The following GGNBP2 variants were observed in gnomAD, a reference collection of about 807,000 sequenced individuals.
The protein encoded by GGNBP2 is gametogenetin-binding protein 2.
In GGNBP2, 10 loss-of-function variants were observed where a neutral mutation model predicts 85.9. That is an observed-to-expected ratio of 0.12 (90% CI 0.07 to 0.20). The LOEUF (loss-of-function observed/expected upper bound fraction) is 0.20, where lower values mean the gene tolerates loss of function less well. GGNBP2 is among the 10% of genes least tolerant of loss of function. The pLI is 1.00. For missense variants in GGNBP2, 595 were observed against 857.8 expected (o/e 0.69, Z 3.83); for synonymous variants, 287 against 285.7 (o/e 1.00, Z -0.05).
intron 5 of GGNBP2, among the ~76,000 whole-genome samples, chr17:36,563,580 C>G (rs1053811724): frequency 2.0e-5 from 3 of 146,488 alleles, no homozygotes; most frequent in African/African-American, 5.2e-5. Flanking sequence ...TAGATTTTAC[C>G]TGTTTCTGGT....
At chr17:36,553,212 C>T (rs1341754443) in intron 2 of GGNBP2, among the ~76,000 whole-genome samples, 1 of 152,144 alleles carries the variant, frequency 6.6e-6, no homozygotes, top group African/African-American at 2.4e-5. Context: ...GAGATAGCCA[C>T]ATCTAATATG....
intron 4 of GGNBP2, 69 bp from the exon 5 acceptor site, chr17:36,560,704 A>G (rs376706910): frequency 3.4e-6 from 3 of 892,226 alleles, no homozygotes. Flanking sequence ...TCTAAAAGAC[A>G]GTAAATAGAG....
At chr17:36,578,481 G>A (rs2074613485) in intron 7 of GGNBP2, 1 of 327,666 alleles carries the variant, frequency 3.1e-6, no homozygotes, top group Non-Finnish European at 5.5e-6. Context: ...TGATTAGAAG[G>A]GATTTTTCTC....
chr17:36,575,648 A>ATATATTTTTT (rs374366757), intron 6 of GGNBP2, among the ~76,000 whole-genome samples: 19 of 54,910 alleles, frequency 3.5e-4, no homozygotes, highest in East Asian at 1.9e-3. Context: ...ATATATATAT[A>ATATATTTTTT]TTTTTTTTTT....
At chr17:36,567,962 T>C (rs2074484773) in intron 6 of GGNBP2, among the ~76,000 whole-genome samples, 186 bp downstream of exon 6, 1 of 151,988 alleles carries the variant, frequency 6.6e-6, no homozygotes, top group Admixed American at 6.6e-5. Context: ...AGTCTAGCTC[T>C]GTCGCCAGGC....
chr17:36,569,570 A>T (rs936435109), intron 6 of GGNBP2, among the ~76,000 whole-genome samples: 12 of 152,240 alleles, frequency 7.9e-5, no homozygotes, highest in Non-Finnish European at 1.5e-4. Context: ...CAAGTGAATG[A>T]TAAAAACTGG....
chr17:36,586,356 G>A, intron 12 of GGNBP2, 158 bp downstream of exon 12: 1 of 821,166 alleles, frequency 1.2e-6, no homozygotes, highest in Non-Finnish European at 1.8e-6. Context: ...GTGAGAGTGT[G>A]GGTTGGGGGC....
chr17:36,589,508 T>C lies in GGNBP2; in HGVS notation c.*97T>C. The C allele has an allele frequency of 1.2e-6, 1 of 840,722 alleles. No individual in the cohort carries two copies. The highest frequency in any genetic ancestry group is 1.9e-6 in the Non-Finnish European group (1 of 520,366). The allele number at this position is 840,722 out of a possible 1,614,324, so 52.1% of individuals were successfully genotyped here. A position where few individuals can be genotyped will look rare whatever the true frequency, so the allele number is the denominator to read the frequency against. ...TTAATTTAGTGACTTATGGCAAAAT[T>C]TTATCTTAAATCAATGTGATTCTTT... is the stretch of plus-strand genomic sequence containing the variant. On this transcript the variant is annotated 3_prime_UTR_variant, in exon 14 of 14. Coordinates refer to ENST00000613102, the MANE Select transcript of GGNBP2 (RefSeq NM_024835.5).
Position 36,585,800 on chromosome 17 carries a change from T to C in GGNBP2, c.1367-40T>C, listed in dbSNP as rs759621179. On this transcript the variant is annotated intron_variant, in intron 10 of 13. Coordinates refer to ENST00000613102, the MANE Select transcript of GGNBP2 (RefSeq NM_024835.5). ...TTCACTCTTTGTCCTAATATACTTA[T>C]TGGTATGTTAATAGTAACTCTCACT... 5.1e-6 allele frequency: 8 copies of C among 1,572,118 alleles called. No individual in the cohort carries two copies. In the East Asian group the frequency reaches 9.0e-5, roughly 18 times the overall value.
intron 5 of GGNBP2, among the ~76,000 whole-genome samples, chr17:36,566,870 C>CAAAAAAA (rs1036559728): frequency 6.9e-6 from 1 of 145,662 alleles, no homozygotes; most frequent in South Asian, 2.2e-4. Flanking sequence ...GGAGTGATTA[C>CAAAAAAA]AAAAAAAAAA....
chr17:36,549,418 C>T (rs550082161), intron 2 of GGNBP2, among the ~76,000 whole-genome samples: 2 of 152,322 alleles, frequency 1.3e-5, no homozygotes, highest in South Asian at 2.1e-4. Flanking sequence ...GTTGGCCAGG[C>T]TGGTCTTGAA....
In GGNBP2 at chr17:36,578,023, A is replaced by G. The variant is rs776618402; in HGVS notation, c.682A>G (p.Asn228Asp). ...DCKNKVLRAY[N>D]ILIGELDCSK... ...CAAAAATAAAGTCCTCCGAGCATAC[A>G]ATATCCTTATTGGTGAACTTGACTG... The change falls in exon 7 of 14, where the codon AAT becomes GAT. Residue 228 changes from asparagine (N) to aspartate (D), a missense_variant. By Grantham distance (23) the Asn-to-Asp change is conservative. This residue lies in a region of GGNBP2 where 216 missense variants were observed against 293.4 expected (regional missense o/e 0.74). Transcript: ENST00000613102. 2 of 1,614,200 alleles carry G rather than the reference A, an allele frequency of 1.2e-6. No individual in the cohort carries two copies. The highest frequency in any genetic ancestry group is 1.7e-5 in the Admixed American group (1 of 60,016).
chr17:36,577,537 G>A (rs1307106983), intron 6 of GGNBP2: 3 of 167,132 alleles, frequency 1.8e-5, no homozygotes, highest in African/African-American at 7.2e-5. Flanking sequence ...ATAGAAATTG[G>A]AGTCAAGGTC....
At chr17:36,553,564 G>C (rs1395539627) in intron 2 of GGNBP2, among the ~76,000 whole-genome samples, 1 of 152,148 alleles carries the variant, frequency 6.6e-6, no homozygotes. Context: ...CAACTGGGTA[G>C]GGATATTTTG....
chr17:36,545,447 A>AGGG lies in GGNBP2; in HGVS notation c.-106-168_-106-166dup, dbSNP rs199505333. 307 of 380,540 alleles carry AGGG rather than the reference A, an allele frequency of 8.1e-4. 2 individuals carry two copies. Among genetic ancestry groups the AGGG allele is most frequent in the African/African-American group, 1.2e-3 (55 of 45,318 alleles). 23.6% of individuals were successfully genotyped at this position (380,540 alleles called of 1,614,324 possible). On this transcript the variant is annotated intron_variant, in intron 1 of 13. Transcript: ENST00000613102. ...GGAGAGAGGGAGGGAGCGCGGCGCG[A>AGGG]GGGGGGCGGGTCCCGGCGGCGCTGG...
intron 5 of GGNBP2, among the ~76,000 whole-genome samples, chr17:36,566,315 G>A (rs2074468156): frequency 6.6e-6 from 1 of 152,180 alleles, no homozygotes; most frequent in Admixed American, 6.5e-5. Context: ...TCATACTGAA[G>A]TTGAACCCTG....
rs1421058084 is a variant in GGNBP2, at chr17:36,589,514, T to G, written c.*103T>G. 1.3e-5 allele frequency: 10 copies of G among 788,114 alleles called. No individual in the cohort carries two copies. The highest frequency in any genetic ancestry group is 4.7e-4 in the Middle Eastern group (2 of 4,296). The allele number at this position is 788,114 out of a possible 1,614,324, so 48.8% of individuals were successfully genotyped here. ...TAGTGACTTATGGCAAAATTTTATC[T>G]TAAATCAATGTGATTCTTTCTTGTT... On this transcript the variant is annotated 3_prime_UTR_variant, in exon 14 of 14. Transcript: ENST00000613102.
At chr17:36,576,827 G>A (rs1262719834) in intron 6 of GGNBP2, 1 of 151,866 alleles carries the variant, frequency 6.6e-6, no homozygotes, top group Non-Finnish European at 1.5e-5. Flanking sequence ...TCCAGCCTGG[G>A]TGACTCTGAA....
intron 10 of GGNBP2, 82 bp downstream of exon 10, chr17:36,585,532 G>A (rs1010857650): frequency 2.3e-5 from 23 of 1,001,672 alleles, no homozygotes; most frequent in Non-Finnish European, 3.2e-5. Flanking sequence ...TAGAGATTCT[G>A]TGAGCTAGAA....
Sources: gnomAD v4.1 joint callset for allele counts (sites outside exome capture counted in the v4.1 genomes callset) on GRCh38, gnomAD v4.1.1 for gene constraint, gnomAD v4.1.1 regional missense constraint, MANE v1.5 for transcripts, NCBI Gene and HGNC (gene_info 2026-07-23, HGNC 2026-07-21) for gene names.